Variants in DSCAM observed in about 807,000 individuals in gnomAD.
The protein encoded by DSCAM is cell adhesion molecule DSCAM.
A neutral mutation model predicts 217.7 loss-of-function variants in DSCAM; 47 were observed. The observed-to-expected ratio is 0.22, with a 90% CI of 0.17 to 0.28. DSCAM has a LOEUF of 0.28. Among genes scored for constraint, DSCAM ranks in the 10% least tolerant of loss-of-function variants. The pLI is 1.00. For synonymous variants in DSCAM, 1,056 were observed against 1,015.3 expected (o/e 1.04, Z -0.76); for missense variants, 2,080 against 2,618.3 (o/e 0.79, Z 4.49).
chr21:40,431,916 C>T (rs2075536534), intron 3 of DSCAM, among the ~76,000 whole-genome samples: 1 of 152,160 alleles, frequency 6.6e-6, no homozygotes, highest in South Asian at 2.1e-4. Flanking sequence ...ATGTATTCTT[C>T]TGGCCAGGTG....
chr21:40,552,822 C>A (rs1490904434), intron 3 of DSCAM, among the ~76,000 whole-genome samples: 1 of 152,192 alleles, frequency 6.6e-6, no homozygotes, highest in Non-Finnish European at 1.5e-5. Context: ...TTTGAGACTA[C>A]AATTACATGT....
intron 3 of DSCAM, among the ~76,000 whole-genome samples, chr21:40,417,090 A>G (rs2075379197): frequency 6.6e-6 from 1 of 152,208 alleles, no homozygotes; most frequent in Non-Finnish European, 1.5e-5. Flanking sequence ...CATTTCCAAT[A>G]TGACAACTCC....
Position 40,353,761 on chromosome 21 carries a change from A to T in DSCAM, c.656-18T>A, listed in dbSNP as rs757140242. 2.2e-5 allele frequency: 34 copies of T among 1,511,492 alleles called. No individual in the cohort carries two copies. Among genetic ancestry groups the T allele is most frequent in the Non-Finnish European group, 2.6e-5 (30 of 1,139,358 alleles). The allele number at this position is 1,511,492 out of a possible 1,614,324, so 93.6% of individuals were successfully genotyped here. On this transcript the variant is annotated intron_variant, in intron 4 of 32. Coordinates refer to ENST00000400454, the MANE Select transcript of DSCAM (RefSeq NM_001389.5). ...CGCTGGGTCTGTAGAAGAAATAAAA[A>T]CTCTTAGAGGCAGGAATGAGGAGTT...
intron 32 of DSCAM, among the ~76,000 whole-genome samples, chr21:40,026,435 T>A (rs1188466323): frequency 7.1e-6 from 1 of 140,908 alleles, no homozygotes; most frequent in Non-Finnish European, 1.5e-5. Context: ...CTTGTTGACT[T>A]TCTGTCTCGT....
intron 3 of DSCAM, among the ~76,000 whole-genome samples, chr21:40,572,809 A>T (rs1344699365): frequency 6.6e-6 from 1 of 152,236 alleles, no homozygotes; most frequent in East Asian, 1.9e-4. Flanking sequence ...CACATTCACC[A>T]TGGAAGATTT....
At chr21:40,399,291 CAAAACA>C (rs1668442465) in intron 3 of DSCAM, among the ~76,000 whole-genome samples, 1 of 150,430 alleles carries the variant, frequency 6.6e-6, no homozygotes, top group Non-Finnish European at 1.5e-5. Flanking sequence ...CAAAACAAAA[CAAAACA>C]AAACAAAACA....
rs150422459 is a variant in DSCAM at position 40,394,427 on chromosome 21, T to C, written c.509-25182A>G. On this transcript the variant is annotated intron_variant, in intron 3 of 32. Coordinates refer to ENST00000400454, the MANE Select transcript of DSCAM (RefSeq NM_001389.5). ...CCAGATGGCTTTTATACAGTCAGGA[T>C]GAAAAATAATAGAATATGAACCTGC... is the stretch of plus-strand genomic sequence containing the variant. 2.8e-3 allele frequency among the ~76,000 whole-genome samples: 419 copies of C among 152,280 alleles called. 2 individuals are homozygous for C. Among genetic ancestry groups the C allele is most frequent in the African/African-American group, 9.5e-3 (395 of 41,562 alleles).
chr21:40,475,467 G>C (rs554137661), intron 3 of DSCAM, among the ~76,000 whole-genome samples: 1 of 152,190 alleles, frequency 6.6e-6, no homozygotes, highest in Admixed American at 6.5e-5. Flanking sequence ...TGTGACCTTC[G>C]TCCTGGCCTC....
chr21:40,546,285 T>A lies in DSCAM; in HGVS notation c.508+146525A>T, dbSNP rs186370656. Reference sequence around the variant, plus strand: ...ACACTCAGGGTAGCTGTGAGCAGCATTTCCTTGGGTCATGGGGATATGTAT... The same window carrying A: ...ACACTCAGGGTAGCTGTGAGCAGCAATTCCTTGGGTCATGGGGATATGTAT... On this transcript the variant is annotated intron_variant, in intron 3 of 32. Coordinates refer to ENST00000400454, the MANE Select transcript of DSCAM (RefSeq NM_001389.5). 2.7e-4 allele frequency among the ~76,000 whole-genome samples: 41 copies of A among 152,290 alleles called. No individual in the cohort carries two copies. In the East Asian group the frequency reaches 3.9e-3, roughly 14 times the overall value.
At chr21:40,347,552 G>T in intron 6 of DSCAM, 118 bp downstream of exon 6, 1 of 1,362,700 alleles carries the variant, frequency 7.3e-7, no homozygotes, top group Non-Finnish European at 1.0e-6. Context: ...AGTACTAGCT[G>T]GTGAGACAGA....
chr21:40,773,728 CTG>C (rs2091465675), intron 1 of DSCAM, among the ~76,000 whole-genome samples: 1 of 152,214 alleles, frequency 6.6e-6, no homozygotes, highest in Non-Finnish European at 1.5e-5. Flanking sequence ...GGCCAAGACA[CTG>C]TGGTGGGCAG....
chr21:40,285,351 A>C (rs976281609), intron 10 of DSCAM, among the ~76,000 whole-genome samples: 2 of 152,232 alleles, frequency 1.3e-5, no homozygotes, highest in Non-Finnish European at 2.9e-5. Context: ...GTTTCCCAGG[A>C]AATAAATGAG....
At chr21:40,633,424 G>C (rs114314899) in intron 3 of DSCAM, among the ~76,000 whole-genome samples, 1 of 152,268 alleles carries the variant, frequency 6.6e-6, no homozygotes, top group Non-Finnish European at 1.5e-5. Context: ...TATACTCTTC[G>C]TTCCCAATAT....
intron 1 of DSCAM, among the ~76,000 whole-genome samples, chr21:40,781,444 T>C (rs1046631839): frequency 2.0e-5 from 3 of 152,258 alleles, no homozygotes; most frequent in Non-Finnish European, 4.4e-5. Context: ...ATTGACTCTC[T>C]GAACAATGCG....
In DSCAM at chr21:40,024,777, C is replaced by T. The variant is rs1280441930; in HGVS notation, c.5687-11391G>A. 9.3e-5 allele frequency among the ~76,000 whole-genome samples: 7 copies of T among 75,174 alleles called. 2 individuals carry two copies. Among genetic ancestry groups the T allele is most frequent in the African/African-American group, 3.5e-4 (7 of 19,760 alleles). 49.3% of individuals were successfully genotyped at this position (75,174 alleles called of 152,430 possible). ...AGCTTAAGGAGATTTTGGGCTGAGACAGTGGGGTTTTCTAGATACACAATC... is the reference window on the plus strand; with the variant it reads ...AGCTTAAGGAGATTTTGGGCTGAGATAGTGGGGTTTTCTAGATACACAATC... On this transcript the variant is annotated intron_variant, in intron 32 of 32. Transcript: ENST00000400454.
intron 18 of DSCAM, among the ~76,000 whole-genome samples, chr21:40,139,651 GGT>G (rs1816410435): frequency 6.6e-6 from 1 of 152,018 alleles, no homozygotes; most frequent in East Asian, 1.9e-4. Flanking sequence ...AGGTGTATGT[GGT>G]GTTTGTGTAC....
intron 1 of DSCAM, among the ~76,000 whole-genome samples, chr21:40,821,849 T>C (rs1256013715): frequency 6.6e-6 from 1 of 151,746 alleles, no homozygotes; most frequent in Non-Finnish European, 1.5e-5. Flanking sequence ...CAACACACAC[T>C]GGGGCCTATT....
At chr21:40,150,680 C>T (rs1331593202) in intron 16 of DSCAM, among the ~76,000 whole-genome samples, 1 of 152,112 alleles carries the variant, frequency 6.6e-6, no homozygotes, top group Non-Finnish European at 1.5e-5. Flanking sequence ...CTTCATATTC[C>T]CAAGGCAAAT....
chr21:40,564,055 G>A (rs936323216), intron 3 of DSCAM, among the ~76,000 whole-genome samples: 5 of 152,184 alleles, frequency 3.3e-5, no homozygotes, highest in African/African-American at 7.2e-5. Flanking sequence ...CCATCTGAGA[G>A]ATGCGTACTC....
Sources: gnomAD v4.1 joint callset for allele counts (sites outside exome capture counted in the v4.1 genomes callset) on GRCh38, gnomAD v4.1.1 for gene constraint, MANE v1.5 for transcripts, NCBI Gene and HGNC (gene_info 2026-07-23, HGNC 2026-07-21) for gene names.